RUNDC3B: variants seen among roughly 807,000 people sequenced by gnomAD.
RUNDC3B encodes RUN domain-containing protein 3B.
RUNDC3B carries 33 observed loss-of-function variants against 58.4 expected under a neutral mutation model. The ratio of observed to expected loss-of-function variants is 0.56; its 90% CI spans 0.43 to 0.75. The LOEUF (loss-of-function observed/expected upper bound fraction) is 0.75. RUNDC3B is among the 30% of genes least tolerant of loss of function. The probability of loss-of-function intolerance (pLI) is 0.00; values close to 1 mark genes in which losing one functional copy is unlikely to be tolerated. For synonymous variants in RUNDC3B, 193 were observed against 195.2 expected (o/e 0.99, Z 0.10); for missense variants, 501 against 535.7 (o/e 0.94, Z 0.64).
At chr7:87,741,931 CAT>C (rs1360906990) in intron 6 of RUNDC3B, among the ~76,000 whole-genome samples, 1 of 152,002 alleles carries the variant, frequency 6.6e-6, no homozygotes, top group African/African-American at 2.4e-5. Flanking sequence ...CATTTTTTCT[CAT>C]AAAAAAGGAT....
intron 3 of RUNDC3B, among the ~76,000 whole-genome samples, chr7:87,701,780 A>G (rs1829059881): frequency 6.6e-6 from 1 of 152,212 alleles, no homozygotes; most frequent in Non-Finnish European, 1.5e-5. Context: ...ACACATTGTT[A>G]CAGATGGAAT....
chr7:87,716,846 T>C (rs1436531346), intron 4 of RUNDC3B, among the ~76,000 whole-genome samples: 1 of 152,204 alleles, frequency 6.6e-6, no homozygotes, highest in Non-Finnish European at 1.5e-5. Context: ...ATTACTTCTA[T>C]GATTTTTTAA....
At chr7:87,756,697 T>C (rs1833394413) in intron 6 of RUNDC3B, among the ~76,000 whole-genome samples, 2 of 152,144 alleles carry the variant, frequency 1.3e-5, no homozygotes, top group African/African-American at 4.8e-5. Context: ...TATACTTCTT[T>C]GTTTTACATT....
At chr7:87,694,141 T>C (rs1828284699) in intron 2 of RUNDC3B, 1 of 612,972 alleles carries the variant, frequency 1.6e-6, no homozygotes, top group South Asian at 7.2e-5. Flanking sequence ...ATGCTTATGC[T>C]AATTTTAAAA....
intron 7 of RUNDC3B, among the ~76,000 whole-genome samples, chr7:87,771,582 G>A (rs1286254834): frequency 6.6e-6 from 1 of 152,136 alleles, no homozygotes; most frequent in African/African-American, 2.4e-5. Flanking sequence ...TTCATTCAGA[G>A]CTACTCTCTC....
chr7:87,724,948 G>C (rs1424211875), intron 4 of RUNDC3B, among the ~76,000 whole-genome samples: 1 of 151,684 alleles, frequency 6.6e-6, no homozygotes. Flanking sequence ...TTATTCATTT[G>C]AATTATTAAT....
chr7:87,684,636 T>C (rs924887823), intron 2 of RUNDC3B, among the ~76,000 whole-genome samples: 2 of 149,070 alleles, frequency 1.3e-5, no homozygotes, highest in African/African-American at 5.0e-5. Context: ...TAGCCCCAGC[T>C]ACGCAGGAGG....
intron 1 of RUNDC3B, among the ~76,000 whole-genome samples, chr7:87,645,081 CTTTT>C (rs551936794): frequency 7.8e-6 from 1 of 128,082 alleles, no homozygotes; most frequent in Admixed American, 7.9e-5. Flanking sequence ...TGCTTTCTTT[CTTTT>C]TTTTTTTTTT....
At position 87,700,492 on chromosome 7, in the gene RUNDC3B, G is replaced by A. The variant is rs918335678; in HGVS notation, c.310G>A (p.Val104Ile). 3 of 1,613,648 alleles carry A rather than the reference G, an allele frequency of 1.9e-6. No homozygotes were observed. Among genetic ancestry groups the A allele is most frequent in the Non-Finnish European group, 2.5e-6 (3 of 1,179,778 alleles). ...CTATATCAGAGTGGCTTGCCGGAAA[G>A]TTTCACAGAATTGTATCTGCAGCAT... The part of the protein sequence containing the change: ...WDYIRVACRK[V>I]SQNCICSIEN... Residue 104 changes from valine (V) to isoleucine (I), a missense_variant, in exon 3 of 11, where the codon GTT (valine) becomes ATT (isoleucine). Val to Ile is a conservative substitution (Grantham distance 29, BLOSUM62 3). Transcript: ENST00000394654.
intron 8 of RUNDC3B, among the ~76,000 whole-genome samples, chr7:87,783,303 A>G (rs1201453685): frequency 1.3e-5 from 2 of 152,046 alleles, no homozygotes; most frequent in Non-Finnish European, 2.9e-5. Context: ...AGTATGCTTT[A>G]TCCGATATAA....
chr7:87,680,327 A>C (rs145864750), intron 2 of RUNDC3B, among the ~76,000 whole-genome samples: 1 of 150,902 alleles, frequency 6.6e-6, no homozygotes, highest in East Asian at 2.0e-4. Context: ...TCTTGGATCA[A>C]AGAGGGATTC....
Position 87,831,691 on chromosome 7 carries a change from G to T in RUNDC3B, c.*1661G>T, listed in dbSNP as rs567330830. On this transcript the variant is annotated 3_prime_UTR_variant, in exon 11 of 11. Transcript: ENST00000394654. ...CATCAGCATGGGGGATGGAAGGTAGGTATAATATGAGGACAATGGAAACTT... is the reference window on the plus strand; with the variant it reads ...CATCAGCATGGGGGATGGAAGGTAGTTATAATATGAGGACAATGGAAACTT... 6.6e-6 allele frequency: 1 copy of T among 152,004 alleles called. No individual in the cohort carries two copies. Among genetic ancestry groups the T allele is most frequent in the Admixed American group, 6.6e-5 (1 of 15,222 alleles). 9.4% of individuals were successfully genotyped at this position (152,004 alleles called of 1,614,324 possible).
chr7:87,638,941 A>G (rs533356966), intron 1 of RUNDC3B, among the ~76,000 whole-genome samples: 3 of 152,110 alleles, frequency 2.0e-5, no homozygotes, highest in African/African-American at 7.2e-5. Context: ...TCACGAGGTC[A>G]GGAGATCGAG....
rs570342999 is a variant in RUNDC3B at position 87,788,076 on chromosome 7, A to G, written c.956+10121A>G. Among the ~76,000 whole-genome samples, 439 of 152,304 alleles carry G rather than the reference A, an allele frequency of 2.9e-3. 3 individuals are homozygous for G. The highest frequency in any genetic ancestry group is 9.9e-3 in the African/African-American group (410 of 41,544). On this transcript the variant is annotated intron_variant, in intron 8 of 10. Coordinates refer to ENST00000394654, the MANE Select transcript of RUNDC3B (RefSeq NM_001134405.2). ...TTTTGTCAGTCATATGTTTGATGCA[A>G]TACTAATTTAAAGTATTTTAAAAGG...
intron 7 of RUNDC3B, among the ~76,000 whole-genome samples, chr7:87,772,047 A>G (rs1834312756): frequency 6.6e-6 from 1 of 152,222 alleles, no homozygotes; most frequent in Non-Finnish European, 1.5e-5. Context: ...AGAGGTGCAC[A>G]GTAGAACAGC....
At chr7:87,757,838 C>T (rs1258429292) in intron 6 of RUNDC3B, among the ~76,000 whole-genome samples, 1 of 152,014 alleles carries the variant, frequency 6.6e-6, no homozygotes, top group Non-Finnish European at 1.5e-5. Flanking sequence ...AATAGAAATC[C>T]AGAAATAAAT....
At position 87,831,960 on chromosome 7, in the gene RUNDC3B, A is replaced by T. The variant is rs1838147979; in HGVS notation, c.*1930A>T. On this transcript the variant is annotated 3_prime_UTR_variant, in exon 11 of 11. Coordinates refer to ENST00000394654, the MANE Select transcript of RUNDC3B (RefSeq NM_001134405.2). ...ATTTTTCAGATTTGTCTAATGTGTAATTTGTGCATCTTCACATGCTGCTAA... is the reference window on the plus strand; with the variant it reads ...ATTTTTCAGATTTGTCTAATGTGTATTTTGTGCATCTTCACATGCTGCTAA... 1 of 151,976 alleles carries T rather than the reference A, an allele frequency of 6.6e-6. No homozygotes were observed. The highest frequency in any genetic ancestry group is 1.5e-5 in the Non-Finnish European group (1 of 67,892). The allele number at this position is 151,976 out of a possible 1,614,324, so 9.4% of individuals were successfully genotyped here.
intron 2 of RUNDC3B, among the ~76,000 whole-genome samples, chr7:87,671,283 C>T (rs571434291): frequency 5.1e-4 from 77 of 152,230 alleles, no homozygotes; most frequent in East Asian, 5.8e-4. Flanking sequence ...CTTATTGGTC[C>T]GGCAAGGGCA....
At chr7:87,659,946 T>C (rs1037983669) in intron 2 of RUNDC3B, among the ~76,000 whole-genome samples, 5 of 152,172 alleles carry the variant, frequency 3.3e-5, no homozygotes, top group Non-Finnish European at 4.4e-5. Flanking sequence ...CTAAATATTC[T>C]TAGGATAAAT....
Sources: gnomAD v4.1 joint callset for allele counts (sites outside exome capture counted in the v4.1 genomes callset) on GRCh38, gnomAD v4.1.1 for gene constraint, MANE v1.5 for transcripts, NCBI Gene and HGNC (gene_info 2026-07-23, HGNC 2026-07-21) for gene names.